Variants in PRKACB observed in about 807,000 individuals in gnomAD.
The protein encoded by PRKACB is cAMP-dependent protein kinase catalytic subunit beta.
In PRKACB, 16 loss-of-function variants were observed where a neutral mutation model predicts 51.4. The ratio of observed to expected loss-of-function variants is 0.31; its 90% CI spans 0.21 to 0.47. PRKACB has a LOEUF of 0.47. Among genes scored for constraint, PRKACB ranks in the 20% least tolerant of loss-of-function variants. PRKACB has a pLI of 1.00. For synonymous variants in PRKACB, 147 were observed against 154.4 expected (o/e 0.95, Z 0.35); for missense variants, 309 against 464.5 (o/e 0.67, Z 3.08).
At chr1:84,104,783 T>G (rs1649603965) in intron 1 of PRKACB, among the ~76,000 whole-genome samples, 1 of 152,170 alleles carries the variant, frequency 6.6e-6, no homozygotes, top group South Asian at 2.1e-4. Flanking sequence ...TCAAACTGCC[T>G]ATGTCCCAGT....
At chr1:84,170,625 A>G (rs1021190716) in intron 1 of PRKACB, among the ~76,000 whole-genome samples, 1 of 151,634 alleles carries the variant, frequency 6.6e-6, no homozygotes, top group Non-Finnish European at 1.5e-5. Flanking sequence ...ATAAAGCCCC[A>G]ATGAACTTTG....
intron 8 of PRKACB, among the ~76,000 whole-genome samples, chr1:84,210,075 A>T (rs1454601397): frequency 6.6e-6 from 1 of 152,122 alleles, no homozygotes; most frequent in African/African-American, 2.4e-5. Context: ...CCTTCTGTGG[A>T]TTCAAAACTT....
chr1:84,193,979 C>A (rs768919800), intron 5 of PRKACB, among the ~76,000 whole-genome samples: 1 of 152,044 alleles, frequency 6.6e-6, no homozygotes, highest in Non-Finnish European at 1.5e-5. Flanking sequence ...TTTAATTACC[C>A]GAGGCCTAAG....
At chr1:84,163,445 G>A (rs758947937) in intron 1 of PRKACB, among the ~76,000 whole-genome samples, 6 of 151,794 alleles carry the variant, frequency 4.0e-5, no homozygotes, top group Non-Finnish European at 7.4e-5. Context: ...TGCTTTTTTC[G>A]TTGACAATAT....
chr1:84,201,453 C>T (rs1670076768), intron 7 of PRKACB, among the ~76,000 whole-genome samples: 1 of 151,806 alleles, frequency 6.6e-6, no homozygotes, highest in South Asian at 2.1e-4. Flanking sequence ...GACATATTTA[C>T]TATAAACATT....
chr1:84,228,296 T>C (rs1674975825), intron 9 of PRKACB, among the ~76,000 whole-genome samples: 1 of 152,182 alleles, frequency 6.6e-6, no homozygotes, highest in Non-Finnish European at 1.5e-5. Context: ...GGGATATAAA[T>C]TAAAAACCCT....
At position 84,108,955 on chromosome 1, in the gene PRKACB, G is replaced by A. The variant is rs538069363; in HGVS notation, c.46+30584G>A. Among the ~76,000 whole-genome samples the A allele has an allele frequency of 3.3e-5, 5 of 152,012 alleles. No individual in the cohort carries two copies. In the South Asian group the frequency reaches 1.0e-3, roughly 31 times the overall value. Reference sequence around the variant, plus strand: ...CCATTCTCTCTACTTTGACAGGATTGATTACATTTGCCTCTTTTATAAATG... The same window carrying A: ...CCATTCTCTCTACTTTGACAGGATTAATTACATTTGCCTCTTTTATAAATG... On this transcript the variant is annotated intron_variant, in intron 1 of 8. Transcript: ENST00000370688.
At chr1:84,140,549 T>C (rs1653301173), upstream of PRKACB, among the ~76,000 whole-genome samples, 2 of 152,306 alleles carry the variant, frequency 1.3e-5, no homozygotes, top group Middle Eastern at 6.8e-3. Flanking sequence ...TGTTTTCATG[T>C]TTTTCTTTTA....
At chr1:84,227,962 G>A (rs753157332) in intron 9 of PRKACB, among the ~76,000 whole-genome samples, 16 of 152,118 alleles carry the variant, frequency 1.1e-4, no homozygotes, top group South Asian at 8.3e-4. Context: ...AACTCAAACT[G>A]TACAATCATT....
chr1:84,228,544 T>G (rs1401741810), intron 9 of PRKACB, among the ~76,000 whole-genome samples: 2 of 152,212 alleles, frequency 1.3e-5, no homozygotes. Context: ...TTAAAATCTT[T>G]TCCTCAAATG....
chr1:84,175,156 T>C, intron 1 of PRKACB: 1 of 1,081,158 alleles, frequency 9.2e-7, no homozygotes, highest in East Asian at 3.4e-5. Flanking sequence ...TATTTTTAAG[T>C]ATATCAAGTT....
At position 84,237,760 on chromosome 1, in the gene PRKACB, G is replaced by T. The variant is rs1297243313; in HGVS notation, c.*2455G>T. 1 of 152,120 alleles carries T rather than the reference G, an allele frequency of 6.6e-6. No homozygotes were observed. Among genetic ancestry groups the T allele is most frequent in the South Asian group, 2.1e-4 (1 of 4,826 alleles). The allele number at this position is 152,120 out of a possible 1,614,324, so 9.4% of individuals were successfully genotyped here. On this transcript the variant is annotated 3_prime_UTR_variant, in exon 10 of 10. Coordinates refer to ENST00000370685, the MANE Select transcript of PRKACB (RefSeq NM_182948.4). ...ACATATTTGAAACAGAAGATATTAT[G>T]TTATGCTCAGTAAATAATTAAGAGA...
At chr1:84,204,147 A>G (rs146654357) in intron 8 of PRKACB, among the ~76,000 whole-genome samples, 4 of 152,062 alleles carry the variant, frequency 2.6e-5, no homozygotes, top group African/African-American at 4.8e-5. Context: ...ATTGTTCCCT[A>G]TCTCATAGTA....
chr1:84,117,652 C>A (rs1005464813), intron 1 of PRKACB, among the ~76,000 whole-genome samples: 34 of 152,018 alleles, frequency 2.2e-4, no homozygotes, highest in African/African-American at 8.2e-4. Context: ...GTAATGTCTG[C>A]TTTTTCATTT....
chr1:84,188,816 G>C (rs1183034445), intron 5 of PRKACB, among the ~76,000 whole-genome samples: 2 of 151,782 alleles, frequency 1.3e-5, no homozygotes, highest in African/African-American at 4.8e-5. Flanking sequence ...TTTAATTTAG[G>C]ATTTGATTTT....
At chr1:84,096,235 C>T (rs918522979) in intron 1 of PRKACB, among the ~76,000 whole-genome samples, 2 of 152,032 alleles carry the variant, frequency 1.3e-5, no homozygotes, top group Non-Finnish European at 2.9e-5. Flanking sequence ...GGCCCTACCT[C>T]ATGCTAGCCC....
intron 1 of PRKACB, among the ~76,000 whole-genome samples, chr1:84,115,435 A>G (rs1229030148): frequency 1.3e-5 from 2 of 151,932 alleles, no homozygotes; most frequent in Admixed American, 6.6e-5. Context: ...CCCCTGTTGC[A>G]TGAGTAGCAT....
intron 9 of PRKACB, among the ~76,000 whole-genome samples, chr1:84,230,625 T>A (rs938241474): frequency 6.6e-6 from 1 of 151,596 alleles, no homozygotes; most frequent in Admixed American, 6.6e-5. Flanking sequence ...TGGTTTGTAG[T>A]TCTCCTTGAA....
Position 84,196,817 on chromosome 1 carries a change from C to A in PRKACB, c.687+75C>A, listed in dbSNP as rs28730698. On this transcript the variant is annotated intron_variant, in intron 6 of 9. Transcript: ENST00000370685. Reference sequence around the variant, plus strand: ...AGACATTGTATGTATGTAACCCCAACTTGGAATTTTTTTTGAAGAAGACAC... The same window carrying A: ...AGACATTGTATGTATGTAACCCCAAATTGGAATTTTTTTTGAAGAAGACAC... The A allele has an allele frequency of 2.1e-3, 2,990 of 1,429,114 alleles. 67 individuals are homozygous for A. The African/African-American group carries it at 0.04, about 19-fold the overall frequency. 88.5% of individuals were successfully genotyped at this position (1,429,114 alleles called of 1,614,324 possible). A position where few individuals can be genotyped will look rare whatever the true frequency, so the allele number is the denominator to read the frequency against.
Sources: gnomAD v4.1 joint callset for allele counts (sites outside exome capture counted in the v4.1 genomes callset) on GRCh38, gnomAD v4.1.1 for gene constraint, MANE v1.5 for transcripts, NCBI Gene and HGNC (gene_info 2026-07-23, HGNC 2026-07-21) for gene names.